MACROD2: variants seen among roughly 807,000 people sequenced by gnomAD.
MACROD2 encodes the protein ADP-ribose glycohydrolase MACROD2.
A neutral mutation model predicts 70.4 loss-of-function variants in MACROD2; 36 were observed. That is an observed-to-expected ratio of 0.51 (90% CI 0.39 to 0.68). MACROD2 has a LOEUF of 0.68. Ranked by LOEUF, MACROD2 falls within the 30% of genes least tolerant of loss-of-function variation. The probability of loss-of-function intolerance (pLI) is 0.00; values close to 1 mark genes in which losing one functional copy is unlikely to be tolerated. For synonymous variants in MACROD2, 172 were observed against 178.8 expected (o/e 0.96, Z 0.30); for missense variants, 496 against 538.4 (o/e 0.92, Z 0.78).
intron 5 of MACROD2, among the ~76,000 whole-genome samples, chr20:15,137,271 G>A (rs1199998913): frequency 6.6e-6 from 1 of 151,892 alleles, no homozygotes; most frequent in Non-Finnish European, 1.5e-5. Context: ...TATGTTTATT[G>A]CGGCACTATT....
intron 13 of MACROD2, 89 bp downstream of exon 13, chr20:15,967,719 T>C: frequency 8.4e-7 from 1 of 1,190,852 alleles, no homozygotes; most frequent in Non-Finnish European, 1.2e-6. Flanking sequence ...ACTTGAATTT[T>C]TCTGGAAAAA....
chr20:15,382,152 G>A lies in MACROD2; in HGVS notation c.541-49253G>A, dbSNP rs1187800080. ...TCTGTTAGCGGATTCACAAGTTGAC[G>A]AGCAGGAGGAGAAGTATAAATTGAG... On this transcript the variant is annotated intron_variant, in intron 6 of 17. Transcript: ENST00000684519. Among the ~76,000 whole-genome samples the A allele has an allele frequency of 4.6e-5, 7 of 152,020 alleles. No homozygotes were observed. In the East Asian group the frequency reaches 9.6e-4, roughly 21 times the overall value.
At chr20:14,340,357 C>T (rs1960891090) in intron 3 of MACROD2, among the ~76,000 whole-genome samples, 3 of 152,048 alleles carry the variant, frequency 2.0e-5, no homozygotes, top group African/African-American at 4.8e-5. Context: ...TAGCTCAGTG[C>T]CTGACTCATA....
intron 3 of MACROD2, among the ~76,000 whole-genome samples, chr20:14,402,995 C>G (rs1293651041): frequency 6.6e-6 from 1 of 152,040 alleles, no homozygotes; most frequent in East Asian, 1.9e-4. Flanking sequence ...ATAAACACTT[C>G]AAAATCTAGA....
At chr20:15,474,825 CTA>C (rs1211763765) in intron 7 of MACROD2, among the ~76,000 whole-genome samples, 14 of 152,166 alleles carry the variant, frequency 9.2e-5, no homozygotes, top group South Asian at 4.2e-4. Context: ...GATGTCAGCC[CTA>C]TCCACTCCTT....
chr20:15,518,260 G>A (rs1359483214), intron 8 of MACROD2, among the ~76,000 whole-genome samples: 3 of 152,240 alleles, frequency 2.0e-5, no homozygotes, highest in Non-Finnish European at 4.4e-5. Context: ...CTGAAAAGGT[G>A]AGAAATCACT....
chr20:14,081,903 A>G (rs945038794), intron 2 of MACROD2, among the ~76,000 whole-genome samples: 4 of 152,214 alleles, frequency 2.6e-5, no homozygotes, highest in African/African-American at 7.2e-5. Context: ...AAAGAGCCTC[A>G]TGTTAGTTTT....
chr20:14,703,099 C>T (rs911063932), intron 5 of MACROD2, among the ~76,000 whole-genome samples: 1 of 152,094 alleles, frequency 6.6e-6, no homozygotes, highest in African/African-American at 2.4e-5. Flanking sequence ...TGCTATATTT[C>T]TTTCTTGCAG....
chr20:14,959,712 T>G (rs888329925), intron 5 of MACROD2, among the ~76,000 whole-genome samples: 1 of 152,190 alleles, frequency 6.6e-6, no homozygotes, highest in Non-Finnish European at 1.5e-5. Flanking sequence ...CAGTACTGTT[T>G]CGCAACACAT....
intron 8 of MACROD2, among the ~76,000 whole-genome samples, chr20:15,758,043 C>A (rs772837069): frequency 1.3e-5 from 2 of 151,970 alleles, no homozygotes; most frequent in African/African-American, 4.8e-5. Context: ...TTTTTATAAG[C>A]GATTCCAAAA....
intron 2 of MACROD2, among the ~76,000 whole-genome samples, chr20:14,046,549 T>A (rs866954710): frequency 1.4e-4 from 22 of 152,136 alleles, no homozygotes; most frequent in African/African-American, 5.3e-4. Context: ...TATGCATACA[T>A]ATATATCTTA....
chr20:15,433,151 G>A (rs2046384376), intron 7 of MACROD2, among the ~76,000 whole-genome samples: 1 of 151,990 alleles, frequency 6.6e-6, no homozygotes, highest in Non-Finnish European at 1.5e-5. Flanking sequence ...AACAAGACAA[G>A]GATGCCCATT....
intron 9 of MACROD2, among the ~76,000 whole-genome samples, chr20:15,876,066 A>C (rs886937530): frequency 3.1e-4 from 43 of 137,490 alleles, no homozygotes; most frequent in African/African-American, 1.2e-3. Flanking sequence ...TATGAACCTG[A>C]CTTTTATTGT....
In MACROD2 at chr20:14,331,152, T is replaced by C. The variant is rs571802896; in HGVS notation, c.272-162327T>C. 2.2e-4 allele frequency among the ~76,000 whole-genome samples: 33 copies of C among 152,228 alleles called. 1 individual carries two copies. In the East Asian group the frequency reaches 6.0e-3, roughly 28 times the overall value. On this transcript the variant is annotated intron_variant, in intron 3 of 17. Transcript: ENST00000684519. The stretch of plus-strand genomic sequence containing the variant: ...GGGGATTTAAAAACTGATTGTCCCC[T>C]GAGTCAGGTCAGACCACAGTGTGTC...
rs1269485537 is a variant in MACROD2 at position 15,400,211 on chromosome 20, T to C, written c.541-31194T>C. On this transcript the variant is annotated intron_variant, in intron 6 of 17. Transcript: ENST00000684519. ...AAATATAAATAGATTTTCTGTAGTG[T>C]AGTCGGTGAGCTTTCTCAGGCTGAG... Among the ~76,000 whole-genome samples, 10 of 152,322 alleles carry C rather than the reference T, an allele frequency of 6.6e-5. No individual in the cohort carries two copies. The East Asian group carries it at 1.9e-3, about 29-fold the overall frequency.
At chr20:15,986,299 C>G (rs2066482597) in intron 13 of MACROD2, among the ~76,000 whole-genome samples, 1 of 152,244 alleles carries the variant, frequency 6.6e-6, no homozygotes, top group East Asian at 1.9e-4. Context: ...GTTTTTTATG[C>G]TCTGTTGATG....
At chr20:14,041,914 T>C (rs2148640526) in intron 2 of MACROD2, among the ~76,000 whole-genome samples, 1 of 152,038 alleles carries the variant, frequency 6.6e-6, no homozygotes, top group African/African-American at 2.4e-5. Flanking sequence ...GGGAGACTCT[T>C]GAGGGAAGTA....
intron 4 of MACROD2, 98 bp from the exon 5 acceptor site, chr20:14,684,745 C>A (rs2070981628): frequency 4.6e-6 from 4 of 864,010 alleles, no homozygotes; most frequent in African/African-American, 3.4e-5. Context: ...TGGTTATTTA[C>A]AGGAAGAACA....
chr20:14,937,133 T>C (rs1886309), intron 5 of MACROD2, among the ~76,000 whole-genome samples: 69,082 of 150,800 alleles, frequency 0.46, 16,131 homozygotes, highest in East Asian at 0.55. Flanking sequence ...GTCAGGAGAG[T>C]GTGGAGGTTG....
Sources: allele counts gnomAD v4.1 joint callset (sites outside exome capture counted in the v4.1 genomes callset), GRCh38; gene constraint gnomAD v4.1.1; transcripts MANE v1.5; gene names NCBI Gene and HGNC (gene_info 2026-07-23, HGNC 2026-07-21).